ADAMTS17: variants seen among roughly 807,000 people sequenced by gnomAD.
ADAMTS17 encodes A disintegrin and metalloproteinase with thrombospondin motifs 17.
In ADAMTS17, 113 loss-of-function variants were observed where a neutral mutation model predicts 141.5. The observed-to-expected ratio is 0.80, with a 90% CI of 0.69 to 0.93. The LOEUF is 0.93. ADAMTS17 is among the 40% of genes least tolerant of loss of function. The pLI is 0.00. For missense variants in ADAMTS17, 1,659 were observed against 1,517.9 expected (o/e 1.09, Z -1.54); for synonymous variants, 768 against 630.6 (o/e 1.22, Z -3.27).
intron 8 of ADAMTS17, among the ~76,000 whole-genome samples, chr15:100,183,922 G>T (rs1472641651): frequency 6.6e-6 from 1 of 152,208 alleles, no homozygotes; most frequent in Non-Finnish European, 1.5e-5. Context: ...TGATATCTGT[G>T]GGGGTGAAAG....
At chr15:100,273,914 C>T (rs560796768) in intron 4 of ADAMTS17, among the ~76,000 whole-genome samples, 2 of 152,248 alleles carry the variant, frequency 1.3e-5, no homozygotes, top group African/African-American at 4.8e-5. Flanking sequence ...TTTCCAATGT[C>T]ACTTGTGATT....
At chr15:100,059,416 CAG>C (rs1344672828) in intron 15 of ADAMTS17, among the ~76,000 whole-genome samples, 3 of 151,886 alleles carry the variant, frequency 2.0e-5, no homozygotes, top group African/African-American at 7.3e-5. Context: ...AAAACACAGG[CAG>C]AGTTATTAGC....
chr15:100,286,704 A>T (rs1450844840), intron 3 of ADAMTS17, among the ~76,000 whole-genome samples: 1 of 152,188 alleles, frequency 6.6e-6, no homozygotes, highest in Non-Finnish European at 1.5e-5. Context: ...ACATCAGCCC[A>T]TGCAGACGGG....
intron 2 of ADAMTS17, among the ~76,000 whole-genome samples, chr15:100,332,592 C>T (rs554387014): frequency 1.3e-5 from 2 of 152,300 alleles, no homozygotes; most frequent in Admixed American, 1.3e-4. Context: ...ATTCACAAAC[C>T]CCGGCATAAA....
intron 14 of ADAMTS17, among the ~76,000 whole-genome samples, chr15:100,101,227 G>A (rs2036079228): frequency 6.6e-6 from 1 of 152,042 alleles, no homozygotes; most frequent in South Asian, 2.1e-4. Context: ...CCTGCTCACT[G>A]TCCTCCTCAG....
chr15:100,261,056 C>G (rs1242639953), intron 6 of ADAMTS17, among the ~76,000 whole-genome samples: 1 of 152,076 alleles, frequency 6.6e-6, no homozygotes, highest in East Asian at 1.9e-4. Context: ...GTTGTATCCC[C>G]CAAAAAAGAA....
chr15:100,223,744 GTA>G (rs142476336), intron 7 of ADAMTS17, among the ~76,000 whole-genome samples: 21 of 148,892 alleles, frequency 1.4e-4, no homozygotes, highest in African/African-American at 4.8e-4. Context: ...ACATGTATGT[GTA>G]TATATATATA....
Position 100,152,905 on chromosome 15 carries a change from C to T in ADAMTS17, c.1323-143G>A, listed in dbSNP as rs1357506282. On this transcript the variant is annotated intron_variant, in intron 9 of 21. Transcript: ENST00000268070. Reference sequence around the variant, plus strand: ...ATGGAAAAAGGACGCAGGCACTGGACACACAGACTGCGCTTTTTTGCTGTG... The same window carrying T: ...ATGGAAAAAGGACGCAGGCACTGGATACACAGACTGCGCTTTTTTGCTGTG... The T allele has an allele frequency of 1.8e-5, 19 of 1,035,430 alleles. No homozygotes were observed. In the East Asian group the frequency reaches 4.4e-4, roughly 24 times the overall value. 64.1% of individuals were successfully genotyped at this position (1,035,430 alleles called of 1,614,324 possible). A position where few individuals can be genotyped will look rare whatever the true frequency, so the allele number is the denominator to read the frequency against.
At chr15:100,224,526 A>C (rs1282234191) in intron 7 of ADAMTS17, among the ~76,000 whole-genome samples, 1 of 152,238 alleles carries the variant, frequency 6.6e-6, no homozygotes, top group Non-Finnish European at 1.5e-5. Context: ...AAACCTCAAA[A>C]GGGATTTGGT....
intron 16 of ADAMTS17, among the ~76,000 whole-genome samples, chr15:100,052,448 G>A (rs927284553): frequency 1.3e-5 from 2 of 152,220 alleles, no homozygotes; most frequent in Non-Finnish European, 2.9e-5. Flanking sequence ...TTCAGTTACG[G>A]TAGTAGTTGC....
intron 15 of ADAMTS17, among the ~76,000 whole-genome samples, chr15:100,064,495 C>T (rs2033374347): frequency 6.6e-6 from 1 of 152,138 alleles, no homozygotes; most frequent in African/African-American, 2.4e-5. Context: ...TGCTGGAGGG[C>T]CTTTTGCTCT....
chr15:100,286,654 AAAACCCATCCAAAGG>A (rs1233877677), intron 3 of ADAMTS17, among the ~76,000 whole-genome samples: 1 of 152,154 alleles, frequency 6.6e-6, no homozygotes, highest in Admixed American at 6.5e-5. Flanking sequence ...GGCATCAAAA[AAAACCCATCCAAAGG>A]ACAGCAACTT....
At chr15:100,040,238 A>G (rs997780201) in intron 18 of ADAMTS17, among the ~76,000 whole-genome samples, 1 of 152,124 alleles carries the variant, frequency 6.6e-6, no homozygotes, top group African/African-American at 2.4e-5. Context: ...CATTTCTGAA[A>G]CCCTCAGCAA....
chr15:100,165,195 T>A (rs1410576007), intron 8 of ADAMTS17, among the ~76,000 whole-genome samples: 1 of 152,224 alleles, frequency 6.6e-6, no homozygotes, highest in African/African-American at 2.4e-5. Context: ...GCCACTCTGA[T>A]CTTGCTCCCA....
intron 3 of ADAMTS17, among the ~76,000 whole-genome samples, chr15:100,315,916 C>T (rs1354382736): frequency 1.3e-5 from 2 of 152,240 alleles, no homozygotes; most frequent in South Asian, 2.1e-4. Context: ...CCCTCCAAGG[C>T]GAGAGGCCCT....
Position 100,314,823 on chromosome 15 carries a change from C to T in ADAMTS17, c.616+16066G>A, listed in dbSNP as rs188449578. On this transcript the variant is annotated intron_variant, in intron 3 of 21. Transcript: ENST00000268070. ...GCTGGGGACAGAGTGGGAGATATGC[C>T]GAGTGGGACTGCTCCCAGCTGGAGC... 1.6e-3 allele frequency among the ~76,000 whole-genome samples: 236 copies of T among 152,200 alleles called. 2 individuals carry two copies. The highest frequency in any genetic ancestry group is 1.1e-3 in the Non-Finnish European group (77 of 68,020).
At chr15:100,092,172 C>A (rs79717750) in intron 15 of ADAMTS17, among the ~76,000 whole-genome samples, 1 of 152,188 alleles carries the variant, frequency 6.6e-6, no homozygotes. Context: ...AAACTTACCC[C>A]CAGCAGGCTA....
chr15:100,340,904 G>A (rs2046343970), intron 2 of ADAMTS17, 135 bp downstream of exon 2: 4 of 1,364,886 alleles, frequency 2.9e-6, no homozygotes, highest in Non-Finnish European at 4.0e-6. Context: ...GGGAGAGGTG[G>A]AAAGGCAGGG....
At chr15:100,109,434 T>C (rs2036609269) in intron 13 of ADAMTS17, among the ~76,000 whole-genome samples, 1 of 147,604 alleles carries the variant, frequency 6.8e-6, no homozygotes, top group African/African-American at 2.5e-5. Flanking sequence ...ATCTCTACGT[T>C]GAATACACAT....
Sources: gnomAD v4.1 joint callset for allele counts (sites outside exome capture counted in the v4.1 genomes callset) on GRCh38, gnomAD v4.1.1 for gene constraint, MANE v1.5 for transcripts, NCBI Gene and HGNC (gene_info 2026-07-23, HGNC 2026-07-21) for gene names.